The following ABCA1 variants were observed in gnomAD, a reference collection of about 807,000 sequenced individuals.
ABCA1 encodes the protein ATP binding cassette subfamily A member 1.
In ABCA1, 133 loss-of-function variants were observed where a neutral mutation model predicts 262.5. The observed-to-expected ratio is 0.51, with a 90% CI of 0.44 to 0.59. The LOEUF (loss-of-function observed/expected upper bound fraction) is 0.59. Among genes scored for constraint, ABCA1 ranks in the 20% least tolerant of loss-of-function variants. ABCA1 has a pLI of 0.00. For synonymous variants in ABCA1, 1,022 were observed against 1,043.5 expected (o/e 0.98, Z 0.40); for missense variants, 2,452 against 2,777.5 (o/e 0.88, Z 2.63).
At chr9:104,855,535 A>G in intron 7 of ABCA1, 2 of 892,400 alleles carry the variant, frequency 2.2e-6, no homozygotes, top group Non-Finnish European at 3.2e-6. Flanking sequence ...AATTGTTTTC[A>G]AGGACATAAT....
intron 5 of ABCA1, among the ~76,000 whole-genome samples, chr9:104,864,662 G>A (rs1836928418): frequency 6.6e-6 from 1 of 152,058 alleles, no homozygotes; most frequent in African/African-American, 2.4e-5. Context: ...GTGGGCCATA[G>A]CTTCCTCCTG....
chr9:104,884,996 G>C (rs887089512), intron 3 of ABCA1, among the ~76,000 whole-genome samples: 4 of 152,232 alleles, frequency 2.6e-5, no homozygotes, highest in African/African-American at 9.6e-5. Context: ...AGCACTTTGG[G>C]AGGCCAAGGT....
chr9:104,921,949 T>G (rs2472509), intron 1 of ABCA1, among the ~76,000 whole-genome samples: 44,280 of 152,176 alleles, frequency 0.29, 7,294 homozygotes, highest in South Asian at 0.44. Context: ...AAGGGGATCT[T>G]ACTTTCAACT....
In ABCA1 at chr9:104,817,343, G is replaced by A. The variant is rs140130551; in HGVS notation, c.3524C>T (p.Thr1175Met). 4.2e-5 allele frequency: 68 copies of A among 1,614,126 alleles called. No individual in the cohort carries two copies. Among genetic ancestry groups the A allele is most frequent in the East Asian group, 3.3e-4 (15 of 44,876 alleles). ...CCCAGAGTCCTTACCGATGGTCAGC[G>A]TGTCACTCTCATGGTCGCTGCCCAG... ...AGLGSDHESD[T>M]LTIDVSAISN... Residue 1175 changes from threonine to methionine, a missense_variant, in exon 24 of 50, where the codon ACG (threonine) becomes ATG (methionine). Thr to Met is a moderately conservative substitution (Grantham distance 81). Transcript: ENST00000374736. The surrounding 1 kb of genome is among the most constrained non-coding windows in gnomAD (Gnocchi z 4.7).
At chr9:104,905,775 A>G (rs1841081071) in intron 1 of ABCA1, among the ~76,000 whole-genome samples, 1 of 152,222 alleles carries the variant, frequency 6.6e-6, no homozygotes, top group Non-Finnish European at 1.5e-5. Flanking sequence ...GCTGCTCTCC[A>G]GGAATCAGTT....
intron 5 of ABCA1, among the ~76,000 whole-genome samples, chr9:104,882,016 G>C: frequency 1.2e-5 from 1 of 81,232 alleles, no homozygotes; most frequent in Admixed American, 1.8e-4. Flanking sequence ...GGAAAGCACA[G>C]TTCTGTAGCC....
chr9:104,800,568 C>A lies in ABCA1; in HGVS notation c.4715G>T (p.Arg1572Leu), dbSNP rs769951411. 19 of 1,614,142 alleles carry A rather than the reference C, an allele frequency of 1.2e-5. No individual in the cohort carries two copies. Among genetic ancestry groups the A allele is most frequent in the Admixed American group, 5.0e-5 (3 of 60,026 alleles). The stretch of plus-strand genomic sequence containing the variant: ...AAATCTTCCCAAGCTGTTGAGAAAT[C>A]GATCTGCAGAACTGTCCTGTAAACA... ...LKLAKDSSAD[R>L]FLNSLGRFMT... is the part of the protein sequence containing the mutation. Residue 1572 changes from arginine to leucine, a missense_variant, in exon 35 of 50, where the codon CGA becomes CTA. Arg to Leu is a moderately radical substitution (Grantham distance 102). Coordinates refer to ENST00000374736, the MANE Select transcript of ABCA1 (RefSeq NM_005502.4).
intron 1 of ABCA1, among the ~76,000 whole-genome samples, chr9:104,910,409 T>C (rs1430127016): frequency 1.3e-5 from 2 of 152,242 alleles, no homozygotes; most frequent in African/African-American, 4.8e-5. Context: ...AACTCTTATA[T>C]GCCCCTTCCC....
chr9:104,802,451 A>G (rs1283145630), intron 33 of ABCA1, among the ~76,000 whole-genome samples: 1 of 152,204 alleles, frequency 6.6e-6, no homozygotes, highest in African/African-American at 2.4e-5. Flanking sequence ...CCTCCAACCC[A>G]GTGGCTCGTG....
intron 1 of ABCA1, among the ~76,000 whole-genome samples, chr9:104,926,441 C>T (rs72735075): frequency 0.16 from 20,129 of 125,970 alleles, 1,648 homozygotes; most frequent in Admixed American, 0.3. Context: ...AGTTGGCAAA[C>T]ACGCTAACAA....
chr9:104,838,564 C>T (rs1459973153), intron 9 of ABCA1, among the ~76,000 whole-genome samples: 5 of 151,524 alleles, frequency 3.3e-5, no homozygotes. Flanking sequence ...TTGCAGTGAG[C>T]CGAGATGGCG....
rs750045915 is a variant in ABCA1, at chr9:104,798,604, G to A, written c.4944-6C>T. 6.2e-7 allele frequency: 1 copy of A among 1,613,670 alleles called. No individual in the cohort carries two copies. The highest frequency in any genetic ancestry group is 2.2e-5 in the East Asian group (1 of 44,868). Reference sequence around the variant, plus strand: ...CATCCACTGATGTGGTCATCCTGGAGAGAAAAAGCGTGTGAAAATCTGAGG... The same window carrying A: ...CATCCACTGATGTGGTCATCCTGGAAAGAAAAAGCGTGTGAAAATCTGAGG... On this transcript the variant is annotated splice_region_variant and splice_polypyrimidine_tract_variant and intron_variant, in intron 36 of 49. Transcript: ENST00000374736.
At chr9:104,788,680 C>T in intron 44 of ABCA1, 113 bp from the exon 45 acceptor site, 6 of 1,306,400 alleles carry the variant, frequency 4.6e-6, no homozygotes, top group Admixed American at 1.7e-5. Flanking sequence ...GATACCAATA[C>T]ATCTGCTGCT....
Position 104,788,476 on chromosome 9 carries a change from C to T in ABCA1, c.6019G>A (p.Val2007Met), listed in dbSNP as rs536836332. Residue 2007 changes from valine (V) to methionine (M), a missense_variant, in exon 45 of 50, where the codon GTG becomes ATG. By Grantham distance (21) the Val-to-Met change is conservative. Coordinates refer to ENST00000374736, the MANE Select transcript of ABCA1 (RefSeq NM_005502.4). Reference sequence around the variant, plus strand: ...CCTCTCAAAAGGGCAAAGAACTCCACGTGTTCTCTCCCAGTCAACAGCTCT... The same window carrying T: ...CCTCTCAAAAGGGCAAAGAACTCCATGTGTTCTCTCCCAGTCAACAGCTCT... ...ITELLTGREH[V>M]EFFALLRGVP... The T allele has an allele frequency of 1.6e-5, 26 of 1,614,168 alleles. No individual in the cohort carries two copies. Among genetic ancestry groups the T allele is most frequent in the African/African-American group, 9.3e-5 (7 of 75,054 alleles).
At chr9:104,891,217 CTG>C (rs984243321) in intron 2 of ABCA1, among the ~76,000 whole-genome samples, 82 of 152,146 alleles carry the variant, frequency 5.4e-4, no homozygotes, top group African/African-American at 1.7e-3. Context: ...TTTTAAAAAA[CTG>C]TTTTTTATTT....
intron 48 of ABCA1, among the ~76,000 whole-genome samples, chr9:104,785,991 C>T (rs1443544648): frequency 1.3e-5 from 2 of 152,172 alleles, no homozygotes; most frequent in African/African-American, 2.4e-5. Flanking sequence ...CCAAAGCTTG[C>T]GCTCTCACCA....
At position 104,788,446 on chromosome 9, in the gene ABCA1, G is replaced by T; in HGVS notation, c.6049C>A (p.Pro2017Thr). 6.2e-7 allele frequency: 1 copy of T among 1,614,120 alleles called. No individual in the cohort carries two copies. The highest frequency in any genetic ancestry group is 8.5e-7 in the Non-Finnish European group (1 of 1,179,994). ...VEFFALLRGVPEKEVGKVGEW... is the reference protein window; with the variant it reads ...VEFFALLRGVTEKEVGKVGEW... ...AGTACCTTGCCAACTTCTTTCTCTG[G>T]GACTCCTCTCAAAAGGGCAAAGAAC... is the stretch of plus-strand genomic sequence containing the variant. The change falls in exon 45 of 50, where the codon CCA becomes ACA. Residue 2017 changes from proline (P) to threonine (T), a missense_variant. This residue lies in a region of ABCA1 where 752 missense variants were observed against 944.5 expected (regional missense o/e 0.80). Transcript: ENST00000374736.
chr9:104,785,589 T>C lies in ABCA1; in HGVS notation c.6452A>G (p.Asp2151Gly), dbSNP rs1564072734. 7 of 1,614,126 alleles carry C rather than the reference T, an allele frequency of 4.3e-6. No homozygotes were observed. The highest frequency in any genetic ancestry group is 5.9e-6 in the Non-Finnish European group (7 of 1,180,010). Reference protein sequence around the residue: ...IVVRIAGSNPDLKPVQDFFGL... With the variant: ...IVVRIAGSNPGLKPVQDFFGL... ...AAAGAAATCCTGGACAGGCTTCAGGTCCGGGTTGGACCCTGCTATTCGTAC... is the reference window on the plus strand; with the variant it reads ...AAAGAAATCCTGGACAGGCTTCAGGCCCGGGTTGGACCCTGCTATTCGTAC... The change falls in exon 49 of 50, where the codon GAC becomes GGC. Residue 2151 changes from aspartate (D) to glycine (G), a missense_variant. Around this residue, in one of 4 missense-constraint regions of ABCA1, gnomAD observed 752 missense variants for 944.5 expected, o/e 0.80. Coordinates refer to ENST00000374736, the MANE Select transcript of ABCA1 (RefSeq NM_005502.4).
At chr9:104,924,926 C>A (rs534056852) in intron 1 of ABCA1, among the ~76,000 whole-genome samples, 233 of 152,324 alleles carry the variant, frequency 1.5e-3, no homozygotes, top group African/African-American at 5.4e-3. Context: ...AAAGCTAAGT[C>A]ACTGAACTTC....
Sources: allele counts gnomAD v4.1 joint callset (sites outside exome capture counted in the v4.1 genomes callset), GRCh38; gene constraint gnomAD v4.1.1; regional missense constraint gnomAD v4.1.1; non-coding constraint Gnocchi (gnomAD v3.1); transcripts MANE v1.5; gene names NCBI Gene and HGNC (gene_info 2026-07-23, HGNC 2026-07-21).